STX18: variants seen among roughly 807,000 people sequenced by gnomAD.
STX18 encodes the protein syntaxin-18.
In STX18, 40 loss-of-function variants were observed where a neutral mutation model predicts 50.1. The ratio of observed to expected loss-of-function variants is 0.80; its 90% CI spans 0.62 to 1.04. STX18 has a LOEUF of 1.04. Ranked by LOEUF, STX18 falls within the 50% of genes least tolerant of loss-of-function variation. The pLI, the probability that STX18 is intolerant of heterozygous loss-of-function variation, is 0.00. For missense variants in STX18, 410 were observed against 415.8 expected (o/e 0.99, Z 0.12); for synonymous variants, 158 against 151.8 (o/e 1.04, Z -0.30).
At chr4:4,496,273 C>T (rs1245560277) in intron 1 of STX18, among the ~76,000 whole-genome samples, 1 of 152,072 alleles carries the variant, frequency 6.6e-6, no homozygotes, top group African/African-American at 2.4e-5. Flanking sequence ...TGAACTGGCA[C>T]CCAAAAATCG....
intron 1 of STX18, among the ~76,000 whole-genome samples, chr4:4,528,983 C>T: frequency 6.6e-6 from 1 of 152,222 alleles, no homozygotes; most frequent in African/African-American, 2.4e-5. Flanking sequence ...TAAATTGGGT[C>T]TCCTTCCCTC....
chr4:4,501,349 A>AG lies in STX18; in HGVS notation c.169-29644dup, dbSNP rs1270093565. Reference sequence around the variant, plus strand: ...ACCCCTCCCAGCCTCCTAGGCAGGCAGGCCACACTCCAGGACCATTGCTGC... The same window carrying AG: ...ACCCCTCCCAGCCTCCTAGGCAGGCAGGGCCACACTCCAGGACCATTGCTGC... On this transcript the variant is annotated intron_variant, in intron 1 of 10. Coordinates refer to ENST00000306200, the MANE Select transcript of STX18 (RefSeq NM_016930.4). Among the ~76,000 whole-genome samples, 4 of 152,210 alleles carry AG rather than the reference A, an allele frequency of 2.6e-5. No homozygotes were observed. In the South Asian group the frequency reaches 6.2e-4, roughly 24 times the overall value.
intron 7 of STX18, among the ~76,000 whole-genome samples, chr4:4,430,957 C>T (rs1368455087): frequency 6.6e-6 from 1 of 152,194 alleles, no homozygotes; most frequent in Non-Finnish European, 1.5e-5. Flanking sequence ...CTTTCATCAT[C>T]CCTCCACAGG....
chr4:4,432,951 C>T (rs966572427), intron 7 of STX18, among the ~76,000 whole-genome samples: 7 of 152,112 alleles, frequency 4.6e-5, no homozygotes, highest in South Asian at 2.1e-4. Context: ...TTCGGTGGGC[C>T]GGCGCGGCTG....
At chr4:4,439,015 A>G (rs1189794720) in intron 5 of STX18, among the ~76,000 whole-genome samples, 1 of 149,482 alleles carries the variant, frequency 6.7e-6, no homozygotes, top group Non-Finnish European at 1.5e-5. Context: ...ACACATATAT[A>G]CCACATATAT....
At chr4:4,437,705 G>T in intron 6 of STX18, 3 of 787,526 alleles carry the variant, frequency 3.8e-6, no homozygotes, top group Non-Finnish European at 3.1e-6. Flanking sequence ...GCTCCAGCAC[G>T]CCATCACCCT....
intron 6 of STX18, among the ~76,000 whole-genome samples, chr4:4,437,217 A>T (rs564176290): frequency 5.5e-4 from 84 of 152,042 alleles, no homozygotes; most frequent in Non-Finnish European, 1.1e-3. Context: ...TGGCCTCCCA[A>T]AGTGCTGGGA....
intron 2 of STX18, among the ~76,000 whole-genome samples, chr4:4,468,047 AAG>A (rs1727706387): frequency 6.6e-6 from 1 of 152,232 alleles, no homozygotes; most frequent in Admixed American, 6.5e-5. Flanking sequence ...GACACACTTC[AAG>A]TACAGTGACT....
intron 7 of STX18, among the ~76,000 whole-genome samples, chr4:4,431,368 C>T (rs1725509868): frequency 6.6e-6 from 1 of 152,102 alleles, no homozygotes; most frequent in Admixed American, 6.5e-5. Flanking sequence ...CCGGTGAAAA[C>T]CTAAGAGATT....
intron 5 of STX18, among the ~76,000 whole-genome samples, chr4:4,448,540 C>A (rs916480559): frequency 6.6e-6 from 1 of 152,076 alleles, no homozygotes; most frequent in African/African-American, 2.4e-5. Flanking sequence ...TGGGGTTTTG[C>A]CATGTTGACC....
At position 4,419,299 on chromosome 4, in the gene STX18, G is replaced by A. The variant is rs1724787266; in HGVS notation, c.*735C>T. On this transcript the variant is annotated 3_prime_UTR_variant, in exon 11 of 11. Coordinates refer to ENST00000306200, the MANE Select transcript of STX18 (RefSeq NM_016930.4). ...AAAGGCTCCTTGGACCCAGTGGCGG[G>A]AAACTGGCCCTCCCACACCCCCTGC... The A allele has an allele frequency of 6.6e-6, 1 of 152,234 alleles. No homozygotes were observed. The highest frequency in any genetic ancestry group is 6.5e-5 in the Admixed American group (1 of 15,282). 9.4% of individuals were successfully genotyped at this position (152,234 alleles called of 1,614,324 possible). A position where few individuals can be genotyped will look rare whatever the true frequency, so the allele number is the denominator to read the frequency against.
At chr4:4,481,696 G>C (rs1560186413) in intron 1 of STX18, 1 of 152,122 alleles carries the variant, frequency 6.6e-6, no homozygotes, top group Non-Finnish European at 1.5e-5. Flanking sequence ...TACTAAGTCA[G>C]AGCTAAAAGT....
rs1729095772 is a variant in STX18, at chr4:4,494,768, T to TA, written c.169-23063dup. Among the ~76,000 whole-genome samples, 3 of 152,200 alleles carry TA rather than the reference T, an allele frequency of 2.0e-5. No individual in the cohort carries two copies. The South Asian group carries it at 6.2e-4, about 32-fold the overall frequency. On this transcript the variant is annotated intron_variant, in intron 1 of 10. Transcript: ENST00000306200. ...CTCCCTGTCTCCATGGTGCCTGTCTTACAGAGCTAAACCAAAAAGCTGTGT... is the reference window on the plus strand; with the variant it reads ...CTCCCTGTCTCCATGGTGCCTGTCTTAACAGAGCTAAACCAAAAAGCTGTGT...
At chr4:4,454,083 G>GGAA (rs953862929) in intron 5 of STX18, among the ~76,000 whole-genome samples, 1 of 152,246 alleles carries the variant, frequency 6.6e-6, no homozygotes, top group African/African-American at 2.4e-5. Context: ...CTACTGTGGT[G>GGAA]AGTTACTGTG....
At chr4:4,437,596 T>C (rs935309116) in intron 6 of STX18, 18 of 984,586 alleles carry the variant, frequency 1.8e-5, no homozygotes, top group Non-Finnish European at 2.2e-5. Flanking sequence ...TTCTGTGACA[T>C]GTCCAGGACC....
chr4:4,466,365 G>A (rs1173721581), intron 2 of STX18, among the ~76,000 whole-genome samples: 2 of 152,172 alleles, frequency 1.3e-5, no homozygotes, highest in Non-Finnish European at 2.9e-5. Flanking sequence ...ATGAAGGAAA[G>A]GGGTAGGATG....
intron 3 of STX18, among the ~76,000 whole-genome samples, chr4:4,458,256 G>C (rs369902466): frequency 6.6e-6 from 1 of 152,214 alleles, no homozygotes; most frequent in African/African-American, 2.4e-5. Context: ...ATATGTAAAT[G>C]TAGGTTTTGT....
intron 7 of STX18, among the ~76,000 whole-genome samples, chr4:4,432,678 G>GGAC (rs1725575222): frequency 6.6e-6 from 1 of 152,220 alleles, no homozygotes; most frequent in Non-Finnish European, 1.5e-5. Context: ...GGCTGCGTGT[G>GGAC]GACTCCAGTC....
intron 1 of STX18, among the ~76,000 whole-genome samples, chr4:4,520,622 A>G (rs1489616376): frequency 1.3e-5 from 2 of 152,236 alleles, no homozygotes; most frequent in Non-Finnish European, 2.9e-5. Context: ...TATAAAATAC[A>G]TCGTTGTACT....
Sources: allele counts gnomAD v4.1 joint callset (sites outside exome capture counted in the v4.1 genomes callset), GRCh38; gene constraint gnomAD v4.1.1; transcripts MANE v1.5; gene names NCBI Gene and HGNC (gene_info 2026-07-23, HGNC 2026-07-21).